SNX25: variants seen among roughly 807,000 people sequenced by gnomAD.
SNX25 encodes sorting nexin 25.
Under a neutral mutation model 113.7 loss-of-function variants are expected in SNX25, and 62 were observed. That is an observed-to-expected ratio of 0.55 (90% confidence interval 0.44 to 0.67). The LOEUF (loss-of-function observed/expected upper bound fraction) is 0.67. Ranked by LOEUF, SNX25 falls within the 30% of genes least tolerant of loss-of-function variation. The pLI is 0.00. For synonymous variants in SNX25, 421 were observed against 436.2 expected (o/e 0.97, Z 0.43); for missense variants, 1,014 against 1,161.0 (o/e 0.87, Z 1.84).
At chr4:185,332,161 A>G (rs1348700362) in intron 9 of SNX25, among the ~76,000 whole-genome samples, 1 of 152,242 alleles carries the variant, frequency 6.6e-6, no homozygotes, top group Admixed American at 6.5e-5. Flanking sequence ...ACTTTCACTC[A>G]TGGGAATATG....
chr4:185,269,517 G>A (rs1748609942), intron 5 of SNX25, among the ~76,000 whole-genome samples: 1 of 152,186 alleles, frequency 6.6e-6, no homozygotes, highest in Admixed American at 6.5e-5. Flanking sequence ...TCGTTCCACA[G>A]TAAAGGCAGG....
At chr4:185,282,889 C>T (rs1316392294) in intron 5 of SNX25, among the ~76,000 whole-genome samples, 2 of 152,284 alleles carry the variant, frequency 1.3e-5, no homozygotes, top group South Asian at 4.1e-4. Context: ...GAAAGAAAAC[C>T]GAGTGAGTGC....
rs1233211912 is a variant in SNX25, at chr4:185,210,234, A to AGCCGCCCGCCGCCC, written c.413_426dup (p.Gly143ProfsTer22). 1.0e-6 allele frequency: 1 copy of AGCCGCCCGCCGCCC among 984,530 alleles called. No homozygotes were observed. Among genetic ancestry groups the AGCCGCCCGCCGCCC allele is most frequent in the African/African-American group, 1.8e-5 (1 of 56,984 alleles). 61.0% of individuals were successfully genotyped at this position (984,530 alleles called of 1,614,324 possible). A position where few individuals can be genotyped will look rare whatever the true frequency, so the allele number is the denominator to read the frequency against. On this transcript the variant is annotated frameshift_variant, in exon 1 of 19. Coordinates refer to ENST00000652585, the MANE Select transcript of SNX25 (RefSeq NM_001378034.2). LOFTEE classifies it high-confidence loss of function. The surrounding 1 kb of genome is among the most constrained non-coding windows in gnomAD (Gnocchi z 4.4). ...CCTGGAGCCGGCTGGCCGCGACCTC[A>AGCCGCCCGCCGCCC]GCCGCCCGCCGCCCGCCGGGGGTAA...
intron 6 of SNX25, among the ~76,000 whole-genome samples, chr4:185,303,704 C>T (rs1754040063): frequency 6.7e-6 from 1 of 149,900 alleles, no homozygotes; most frequent in African/African-American, 2.5e-5. Context: ...ACACAGTGGG[C>T]ACACCCTGGC....
chr4:185,297,813 C>G (rs145813450), intron 6 of SNX25, among the ~76,000 whole-genome samples: 61 of 151,082 alleles, frequency 4.0e-4, no homozygotes, highest in African/African-American at 1.4e-3. Flanking sequence ...CTACCTTCAT[C>G]ATCTCATCTA....
At chr4:185,230,512 C>A (rs1416307379) in intron 1 of SNX25, among the ~76,000 whole-genome samples, 1 of 151,994 alleles carries the variant, frequency 6.6e-6, no homozygotes, top group Non-Finnish European at 1.5e-5. Context: ...CCTGCCTCAG[C>A]CTCCCGAGTA....
At chr4:185,278,302 C>A (rs1300791542) in intron 5 of SNX25, among the ~76,000 whole-genome samples, 1 of 152,210 alleles carries the variant, frequency 6.6e-6, no homozygotes, top group Non-Finnish European at 1.5e-5. Flanking sequence ...CTCAGGTAGA[C>A]CCTGGCCAAG....
chr4:185,371,096 C>G (rs568253811), downstream of SNX25: 63 of 300,026 alleles, frequency 2.1e-4, no homozygotes, highest in Non-Finnish European at 3.3e-4. Context: ...AATATTACTA[C>G]TGGAAGTTTA....
chr4:185,321,018 T>C (rs866075380), intron 8 of SNX25, among the ~76,000 whole-genome samples, 154 bp downstream of exon 8: 1 of 152,164 alleles, frequency 6.6e-6, no homozygotes, highest in African/African-American at 2.4e-5. Flanking sequence ...TAATGGCAAA[T>C]AAAATTACAT....
chr4:185,329,242 C>G (rs1383162750), intron 9 of SNX25, among the ~76,000 whole-genome samples: 2 of 152,130 alleles, frequency 1.3e-5, no homozygotes, highest in African/African-American at 4.8e-5. Context: ...TGGGGCCAGG[C>G]TGTGTTGCAA....
At chr4:185,287,479 G>A (rs899407528) in intron 5 of SNX25, among the ~76,000 whole-genome samples, 1 of 152,188 alleles carries the variant, frequency 6.6e-6, no homozygotes, top group Non-Finnish European at 1.5e-5. Flanking sequence ...TATTTAAGAC[G>A]GCACCATCCA....
At chr4:185,362,533 G>A (rs756218148) in intron 17 of SNX25, 78 bp from the exon 18 acceptor site, 6 of 1,386,526 alleles carry the variant, frequency 4.3e-6, no homozygotes, top group Non-Finnish European at 6.1e-6. Flanking sequence ...GGTGTATAAT[G>A]TTGTATTCCT....
At chr4:185,219,539 G>A (rs566244996) in intron 1 of SNX25, among the ~76,000 whole-genome samples, 1 of 152,120 alleles carries the variant, frequency 6.6e-6, no homozygotes, top group East Asian at 1.9e-4. Context: ...AGGCTGGGAC[G>A]ACAGAGCAAG....
chr4:185,272,681 C>A (rs1380212226), intron 5 of SNX25, among the ~76,000 whole-genome samples: 1 of 152,152 alleles, frequency 6.6e-6, no homozygotes, highest in Non-Finnish European at 1.5e-5. Context: ...CACCTGCTTC[C>A]CATCTGAAGT....
chr4:185,374,255 G>A (rs2095425744), downstream of SNX25: 5 of 1,614,114 alleles, frequency 3.1e-6, no homozygotes, highest in Non-Finnish European at 3.4e-6. Flanking sequence ...AAGAGAAAGT[G>A]AGGCATGTTA....
At chr4:185,287,913 T>A in intron 5 of SNX25, 99 bp from the exon 6 acceptor site, 1 of 937,646 alleles carries the variant, frequency 1.1e-6, no homozygotes. Context: ...TCACAGCTCC[T>A]GTGTTACATT....
intron 7 of SNX25, among the ~76,000 whole-genome samples, chr4:185,314,339 A>AT (rs2095053560): frequency 6.6e-6 from 1 of 151,484 alleles, no homozygotes; most frequent in African/African-American, 2.4e-5. Context: ...AAAAAAAAAA[A>AT]AAAAATTAAA....
rs1381397293 is a variant in SNX25 at position 185,288,674 on chromosome 4, T to C, written c.1162+592T>C. ...TTCTTCCTGTTTGTTTCTCTTCCAG[T>C]GAAGTAAGATTCTTTCCCAGGCATG... is the stretch of plus-strand genomic sequence containing the variant. On this transcript the variant is annotated intron_variant, in intron 6 of 18. Coordinates refer to ENST00000652585, the MANE Select transcript of SNX25 (RefSeq NM_001378034.2). Among the ~76,000 whole-genome samples, 3 of 152,124 alleles carry C rather than the reference T, an allele frequency of 2.0e-5. No homozygotes were observed. The East Asian group carries it at 5.8e-4, about 29-fold the overall frequency.
chr4:185,340,386 A>G (rs1003462212), intron 11 of SNX25, among the ~76,000 whole-genome samples: 2 of 152,190 alleles, frequency 1.3e-5, no homozygotes, highest in African/African-American at 4.8e-5. Context: ...CACACAGTAC[A>G]TGAGGGCCTA....
Sources: gnomAD v4.1 joint callset for allele counts (sites outside exome capture counted in the v4.1 genomes callset) on GRCh38, gnomAD v4.1.1 for gene constraint, Gnocchi (gnomAD v3.1) non-coding constraint, MANE v1.5 for transcripts, NCBI Gene and HGNC (gene_info 2026-07-23, HGNC 2026-07-21) for gene names.